The following CASZ1 variants were observed in gnomAD, a reference collection of about 807,000 sequenced individuals.
The protein encoded by CASZ1 is castor zinc finger 1, also known as zinc finger protein castor homolog 1.
CASZ1 carries 28 observed loss-of-function variants against 135.2 expected under a neutral mutation model. That is an observed-to-expected ratio of 0.21 (90% CI 0.15 to 0.28). The LOEUF (loss-of-function observed/expected upper bound fraction) is 0.28. CASZ1 is among the 10% of genes least tolerant of loss of function. The pLI, the probability that CASZ1 is intolerant of heterozygous loss-of-function variation, is 1.00. For missense variants in CASZ1, 2,161 were observed against 2,453.3 expected, an observed-to-expected ratio of 0.88 and a Z score of 2.52; for synonymous variants, 1,068 against 1,073.4, an observed-to-expected ratio of 0.99 and a Z score of 0.10.
At chr1:10,751,877 G>A (rs530549424) in intron 2 of CASZ1, among the ~76,000 whole-genome samples, 85 of 152,308 alleles carry the variant, frequency 5.6e-4, no homozygotes, top group East Asian at 2.3e-3. Flanking sequence ...GGCACTGCCC[G>A]CCTGGCATCA....
intron 2 of CASZ1, among the ~76,000 whole-genome samples, chr1:10,733,836 C>T (rs1639746110): frequency 6.6e-6 from 1 of 152,184 alleles, no homozygotes; most frequent in African/African-American, 2.4e-5. Context: ...GCCCCCTCTT[C>T]TATAAAATCA....
Position 10,636,737 on chromosome 1 carries a change from G to A in CASZ1, c.*2205C>T, listed in dbSNP as rs916579902. On this transcript the variant is annotated 3_prime_UTR_variant, in exon 21 of 21. Coordinates refer to ENST00000377022, the MANE Select transcript of CASZ1 (RefSeq NM_001079843.3). Reference sequence around the variant, plus strand: ...CTAAATTCAAGTGGAAAAATATTCAGTTCTTAATAACCAGGTGCCGAGGAG... The same window carrying A: ...CTAAATTCAAGTGGAAAAATATTCAATTCTTAATAACCAGGTGCCGAGGAG... 6.6e-6 allele frequency: 1 copy of A among 151,762 alleles called. No homozygotes were observed. 9.4% of individuals were successfully genotyped at this position (151,762 alleles called of 1,614,324 possible). A position where few individuals can be genotyped will look rare whatever the true frequency, so the allele number is the denominator to read the frequency against.
rs1309869375 is a variant in CASZ1, at chr1:10,774,630, G to A, written c.-233-13773C>T. On this transcript the variant is annotated intron_variant, in intron 1 of 20. Coordinates refer to ENST00000377022, the MANE Select transcript of CASZ1 (RefSeq NM_001079843.3). The surrounding 1 kb of genome is among the most constrained non-coding windows in gnomAD (Gnocchi z 4.4). ...TCTGCTCTATTAACAACCACACAGA[G>A]CTCTGGCCCCACTGCTGGAGACTGG... Among the ~76,000 whole-genome samples, 1 of 152,096 alleles carries A rather than the reference G, an allele frequency of 6.6e-6. No homozygotes were observed. The highest frequency in any genetic ancestry group is 1.5e-5 in the Non-Finnish European group (1 of 68,044).
At chr1:10,729,603 C>A (rs1346945458) in intron 2 of CASZ1, among the ~76,000 whole-genome samples, 2 of 152,218 alleles carry the variant, frequency 1.3e-5, no homozygotes, top group Non-Finnish European at 2.9e-5. Context: ...CAGGCCTCTT[C>A]CCGAGACCCT....
In CASZ1 at chr1:10,741,874, A is replaced by G. The variant is rs1018206140; in HGVS notation, c.-77+18827T>C. Among the ~76,000 whole-genome samples, 12 of 152,078 alleles carry G rather than the reference A, an allele frequency of 7.9e-5. No individual in the cohort carries two copies. Among genetic ancestry groups the G allele is most frequent in the African/African-American group, 2.7e-4 (11 of 41,458 alleles). On this transcript the variant is annotated intron_variant, in intron 2 of 20. Coordinates refer to ENST00000377022, the MANE Select transcript of CASZ1 (RefSeq NM_001079843.3). The surrounding 1 kb of genome is among the most constrained non-coding windows in gnomAD (Gnocchi z 5.0). ...TTTGCTTACTGGGCAGTTTGTGCGT[A>G]TCTGTGTGTTTTTTCCCCCAAAGCC...
In CASZ1 at chr1:10,639,858, G is replaced by A. The variant is rs373399036; in HGVS notation, c.4364C>T (p.Thr1455Ile). The A allele has an allele frequency of 1.2e-6, 2 of 1,612,016 alleles. No individual in the cohort carries two copies. Among genetic ancestry groups the A allele is most frequent in the Non-Finnish European group, 1.7e-6 (2 of 1,179,644 alleles). Reference sequence around the variant, plus strand: ...GTTCTCGCGCGTGCAGTGGTAGTGGGTGACCTTGAGCGAGAACTGACAAGC... The same window carrying A: ...GTTCTCGCGCGTGCAGTGGTAGTGGATGACCTTGAGCGAGAACTGACAAGC... ...DAACQFSLKV[T>I]HYHCTRENCG... Residue 1455 changes from threonine to isoleucine, a missense_variant, in exon 21 of 21, where the codon ACC becomes ATC. Physicochemically the swap from Thr to Ile is moderately conservative, Grantham distance 89 (BLOSUM62 -1). This residue lies in a region of CASZ1 where 240 missense variants were observed against 321.4 expected (regional missense o/e 0.75). Coordinates refer to ENST00000377022, the MANE Select transcript of CASZ1 (RefSeq NM_001079843.3). This position sits in a 1 kb window ranked among gnomAD's most constrained non-coding sequence, Gnocchi z 4.0.
chr1:10,691,878 C>T (rs1251984812), intron 4 of CASZ1, among the ~76,000 whole-genome samples: 4 of 152,236 alleles, frequency 2.6e-5, no homozygotes, highest in Non-Finnish European at 5.9e-5. Context: ...GATGACTCCT[C>T]CAGGAAACAG....
At chr1:10,716,050 A>G (rs1639385229) in intron 2 of CASZ1, among the ~76,000 whole-genome samples, 1 of 138,628 alleles carries the variant, frequency 7.2e-6, no homozygotes, top group Non-Finnish European at 1.5e-5. Flanking sequence ...CACAGCACCC[A>G]ATCCGCACCC....
intron 1 of CASZ1, among the ~76,000 whole-genome samples, chr1:10,784,285 G>A (rs1335271092): frequency 3.3e-5 from 5 of 152,142 alleles, no homozygotes; most frequent in Non-Finnish European, 7.4e-5. Flanking sequence ...CCATGGGGGG[G>A]TCCTCCATTT....
intron 1 of CASZ1, among the ~76,000 whole-genome samples, chr1:10,781,073 C>T (rs1024387794): frequency 6.6e-6 from 1 of 152,234 alleles, no homozygotes; most frequent in Admixed American, 6.5e-5. Context: ...ACCTGTCTCC[C>T]CGCTCCCCTA....
At position 10,720,570 on chromosome 1, in the gene CASZ1, A is replaced by G. The variant is rs571219357; in HGVS notation, c.-76-15026T>C. On this transcript the variant is annotated intron_variant, in intron 2 of 20. Coordinates refer to ENST00000377022, the MANE Select transcript of CASZ1 (RefSeq NM_001079843.3). The surrounding 1 kb of genome is among the most constrained non-coding windows in gnomAD (Gnocchi z 5.7). ...AAGACTTGGGCAGTCCCATTTGCCT[A>G]TCAAAAACTGTACATTCGCTCGGCT... is the stretch of plus-strand genomic sequence containing the variant. Among the ~76,000 whole-genome samples the G allele has an allele frequency of 2.6e-4, 40 of 152,338 alleles. No individual in the cohort carries two copies. The highest frequency in any genetic ancestry group is 2.6e-3 in the Admixed American group (40 of 15,296).
intron 2 of CASZ1, among the ~76,000 whole-genome samples, chr1:10,710,529 T>C (rs1032209625): frequency 6.6e-6 from 1 of 152,212 alleles, no homozygotes; most frequent in Admixed American, 6.5e-5. Context: ...AAGGTCAAGA[T>C]GAGGAGTGGT....
intron 4 of CASZ1, among the ~76,000 whole-genome samples, chr1:10,674,418 C>T (rs1220004836): frequency 1.3e-5 from 2 of 152,268 alleles, no homozygotes; most frequent in Non-Finnish European, 2.9e-5. Flanking sequence ...CCTTCCCCGG[C>T]ACCGCTGCTG....
At chr1:10,670,796 G>A (rs1392848899) in intron 4 of CASZ1, among the ~76,000 whole-genome samples, 1 of 152,162 alleles carries the variant, frequency 6.6e-6, no homozygotes, top group African/African-American at 2.4e-5. Flanking sequence ...GCCCATTTCC[G>A]CCTGAACGGT....
chr1:10,737,753 C>T (rs1468626876), intron 2 of CASZ1, among the ~76,000 whole-genome samples: 1 of 152,234 alleles, frequency 6.6e-6, no homozygotes, highest in Non-Finnish European at 1.5e-5. Flanking sequence ...GGGCCTGGCC[C>T]CAGCCTGTCG....
In CASZ1 at chr1:10,640,009, T is replaced by C. The variant is rs754448546; in HGVS notation, c.4213A>G (p.Ile1405Val). 1.2e-6 allele frequency: 2 copies of C among 1,611,874 alleles called. No homozygotes were observed. The highest frequency in any genetic ancestry group is 4.5e-5 in the East Asian group (2 of 44,894). Residue 1405 changes from isoleucine to valine, a missense_variant, in exon 21 of 21, where the codon ATC becomes GTC. Around this residue, in one of 7 missense-constraint regions of CASZ1, gnomAD observed 143 missense variants for 128.3 expected, o/e 1.11. Coordinates refer to ENST00000377022, the MANE Select transcript of CASZ1 (RefSeq NM_001079843.3). ...CCGAAGGGCGACATGTCCTCGATGATCCAGAAGCGCTTTTTGGCCCCCGAG... is the reference window on the plus strand; with the variant it reads ...CCGAAGGGCGACATGTCCTCGATGACCCAGAAGCGCTTTTTGGCCCCCGAG... ...TASGAKKRFW[I>V]IEDMSPFGKR...
intron 2 of CASZ1, among the ~76,000 whole-genome samples, chr1:10,737,335 G>A (rs1639819637): frequency 6.6e-6 from 1 of 151,734 alleles, no homozygotes; most frequent in Non-Finnish European, 1.5e-5. Flanking sequence ...CTCTCAGGCT[G>A]GGCATGGAGC....
chr1:10,663,272 G>A lies in CASZ1; in HGVS notation c.505+1811C>T, dbSNP rs374751563. On this transcript the variant is annotated intron_variant, in intron 5 of 20. Coordinates refer to ENST00000377022, the MANE Select transcript of CASZ1 (RefSeq NM_001079843.3). The stretch of plus-strand genomic sequence containing the variant: ...AGGGGCAGGACTGGGCCTGGGGAGG[G>A]GAGGACACCTGGCGGGATGTGGAAG... Among the ~76,000 whole-genome samples the A allele has an allele frequency of 1.3e-4, 20 of 152,298 alleles. No homozygotes were observed. The South Asian group carries it at 4.1e-3, about 32-fold the overall frequency.
intron 4 of CASZ1, 21 bp from the exon 5 acceptor site, chr1:10,665,592 A>G (rs1467628800): frequency 3.9e-6 from 6 of 1,534,384 alleles, no homozygotes; most frequent in Non-Finnish European, 5.2e-6. Context: ...GGAGGAGAGC[A>G]CGGAGGTCAG....
Sources: gnomAD v4.1 joint callset for allele counts (sites outside exome capture counted in the v4.1 genomes callset) on GRCh38, gnomAD v4.1.1 for gene constraint, gnomAD v4.1.1 regional missense constraint, Gnocchi (gnomAD v3.1) non-coding constraint, MANE v1.5 for transcripts, NCBI Gene and HGNC (gene_info 2026-07-23, HGNC 2026-07-21) for gene names.